AKAP6: variants seen among roughly 807,000 people sequenced by gnomAD.
The protein encoded by AKAP6 is A-kinase anchor protein 6.
AKAP6 carries 58 observed loss-of-function variants against 188.5 expected under a neutral mutation model. The ratio of observed to expected loss-of-function variants is 0.31; its 90% CI spans 0.25 to 0.38. The LOEUF (loss-of-function observed/expected upper bound fraction) is 0.38. AKAP6 is among the 10% of genes least tolerant of loss of function. The pLI, the probability that AKAP6 is intolerant of heterozygous loss-of-function variation, is 1.00. For missense variants in AKAP6, 2,710 were observed against 2,740.0 expected (o/e 0.99, Z 0.24); for synonymous variants, 989 against 998.6 (o/e 0.99, Z 0.18).
intron 7 of AKAP6, among the ~76,000 whole-genome samples, chr14:32,620,820 T>TA (rs1886788281): frequency 6.6e-6 from 1 of 151,896 alleles, no homozygotes; most frequent in Non-Finnish European, 1.5e-5. Flanking sequence ...GTTTTTTTTT[T>TA]AATTATTGAT....
chr14:32,677,034 C>T (rs1158306124), intron 7 of AKAP6, among the ~76,000 whole-genome samples: 2 of 152,170 alleles, frequency 1.3e-5, no homozygotes, highest in African/African-American at 4.8e-5. Flanking sequence ...CCATGTTGGC[C>T]AGGCTGGTCT....
chr14:32,774,260 A>G (rs2032987855), intron 12 of AKAP6, among the ~76,000 whole-genome samples: 1 of 152,216 alleles, frequency 6.6e-6, no homozygotes, highest in Admixed American at 6.5e-5. Context: ...ACAATAACCC[A>G]TGAATATTTT....
chr14:32,800,057 C>CTATATATATA (rs1314660429), intron 12 of AKAP6, among the ~76,000 whole-genome samples: 1,557 of 104,808 alleles, frequency 0.015, 9 homozygotes, highest in African/African-American at 0.017. Context: ...CTCTCTCTCT[C>CTATATATATA]TCTCTATATA....
chr14:32,566,325 G>A (rs1190238165), intron 4 of AKAP6, among the ~76,000 whole-genome samples: 1 of 151,736 alleles, frequency 6.6e-6, no homozygotes, highest in African/African-American at 2.4e-5. Flanking sequence ...ATATATTTAT[G>A]TTAATATATA....
chr14:32,632,148 A>G (rs1014304935), intron 7 of AKAP6, among the ~76,000 whole-genome samples: 1 of 151,962 alleles, frequency 6.6e-6, no homozygotes, highest in African/African-American at 2.4e-5. Flanking sequence ...TTTGCTATGA[A>G]CCATTTACTA....
chr14:32,511,695 C>A (rs1881271894), intron 2 of AKAP6, among the ~76,000 whole-genome samples: 1 of 152,094 alleles, frequency 6.6e-6, no homozygotes, highest in Non-Finnish European at 1.5e-5. Flanking sequence ...TATTTAGTTC[C>A]CCATACCAGT....
chr14:32,721,122 G>T (rs1264224964), intron 9 of AKAP6, among the ~76,000 whole-genome samples: 1 of 152,104 alleles, frequency 6.6e-6, no homozygotes. Flanking sequence ...CAACAGCCCT[G>T]ATATGGTGCA....
intron 7 of AKAP6, among the ~76,000 whole-genome samples, chr14:32,671,210 G>A (rs536704248): frequency 6.6e-6 from 1 of 152,184 alleles, no homozygotes; most frequent in African/African-American, 2.4e-5. Flanking sequence ...GAGAAGTGAG[G>A]GACTGAGCTG....
intron 1 of AKAP6, among the ~76,000 whole-genome samples, chr14:32,348,417 C>CTTTTTTTTTTTTTTTTTTTTTTGTTTTTT (rs71115063): frequency 7.9e-6 from 1 of 126,166 alleles, no homozygotes. Flanking sequence ...TCTTTTGTTT[C>CTTTTTTTTTTTTTTTTTTTTTTGTTTTTT]TTTTTTTTTT....
intron 2 of AKAP6, among the ~76,000 whole-genome samples, chr14:32,459,076 A>G (rs1278026696): frequency 1.3e-5 from 2 of 152,218 alleles, no homozygotes; most frequent in East Asian, 3.8e-4. Context: ...TATACATACA[A>G]CAATATTAAT....
chr14:32,471,483 T>A (rs1271604063), intron 2 of AKAP6, among the ~76,000 whole-genome samples: 1 of 152,362 alleles, frequency 6.6e-6, no homozygotes, highest in East Asian at 1.9e-4. Context: ...AGGCTGAACC[T>A]TTTAATAGTT....
chr14:32,478,969 G>C (rs150087176), intron 2 of AKAP6, among the ~76,000 whole-genome samples: 4 of 152,230 alleles, frequency 2.6e-5, no homozygotes, highest in Admixed American at 2.0e-4. Flanking sequence ...AAATATTTTG[G>C]GGGGAGAGGA....
intron 4 of AKAP6, among the ~76,000 whole-genome samples, chr14:32,567,309 G>A (rs907696117): frequency 6.6e-6 from 1 of 152,062 alleles, no homozygotes; most frequent in African/African-American, 2.4e-5. Context: ...TTGAAAATTG[G>A]GTCTGTGCTT....
At chr14:32,666,733 T>A (rs926017696) in intron 7 of AKAP6, among the ~76,000 whole-genome samples, 1 of 152,098 alleles carries the variant, frequency 6.6e-6, no homozygotes, top group Non-Finnish European at 1.5e-5. Context: ...TTAATGAGGA[T>A]ATCTTACATT....
chr14:32,361,547 G>A (rs1299425643), intron 1 of AKAP6, among the ~76,000 whole-genome samples: 1 of 152,080 alleles, frequency 6.6e-6, no homozygotes, highest in African/African-American at 2.4e-5. Flanking sequence ...CTAGTTTTTT[G>A]TTTTGGATTT....
intron 1 of AKAP6, among the ~76,000 whole-genome samples, chr14:32,352,134 T>TGTGA (rs1566458785): frequency 4.3e-4 from 62 of 142,650 alleles, no homozygotes; most frequent in African/African-American, 1.5e-3. Context: ...TGTGTGTGTG[T>TGTGA]GAAGGGGGTG....
intron 11 of AKAP6, among the ~76,000 whole-genome samples, chr14:32,756,425 C>T (rs1323493422): frequency 6.6e-6 from 1 of 151,980 alleles, no homozygotes; most frequent in African/African-American, 2.4e-5. Context: ...AATCCTGGAG[C>T]CTGAGTGTGT....
At chr14:32,737,525 G>A (rs2031484951) in intron 11 of AKAP6, among the ~76,000 whole-genome samples, 2 of 152,086 alleles carry the variant, frequency 1.3e-5, no homozygotes, top group African/African-American at 4.8e-5. Context: ...CAAAGAACAG[G>A]TACACTCTGC....
At chr14:32,653,308 A>G (rs1888309472) in intron 7 of AKAP6, among the ~76,000 whole-genome samples, 1 of 152,152 alleles carries the variant, frequency 6.6e-6, no homozygotes, top group Non-Finnish European at 1.5e-5. Context: ...CCACCCAAAT[A>G]TCATGTTGAA....
Sources: gnomAD v4.1 joint callset for allele counts (sites outside exome capture counted in the v4.1 genomes callset) on GRCh38, gnomAD v4.1.1 for gene constraint, MANE v1.5 for transcripts, NCBI Gene and HGNC (gene_info 2026-07-23, HGNC 2026-07-21) for gene names.